WDR17: variants seen among roughly 807,000 people sequenced by gnomAD.
WDR17 encodes the protein WD repeat-containing protein 17.
In WDR17, 143 loss-of-function variants were observed where a neutral mutation model predicts 161.7. The observed-to-expected ratio is 0.88, with a 90% confidence interval of 0.77 to 1.02. The LOEUF (loss-of-function observed/expected upper bound fraction) is 1.02. Ranked by LOEUF, WDR17 falls within the 50% of genes least tolerant of loss-of-function variation. WDR17 has a pLI of 0.00. For synonymous variants in WDR17, 517 were observed against 515.6 expected (o/e 1.00, Z -0.04); for missense variants, 1,469 against 1,520.9 (o/e 0.97, Z 0.57).
chr4:176,158,959 A>G (rs1748576650), intron 18 of WDR17, among the ~76,000 whole-genome samples: 1 of 152,198 alleles, frequency 6.6e-6, no homozygotes, highest in Non-Finnish European at 1.5e-5. Context: ...AAACAGCTAT[A>G]ACAAGAAAAT....
intron 22 of WDR17, among the ~76,000 whole-genome samples, chr4:176,167,922 G>A (rs973818655): frequency 6.6e-6 from 1 of 151,850 alleles, no homozygotes; most frequent in South Asian, 2.1e-4. Context: ...CAAGGTGGGT[G>A]GATCACTTGA....
In WDR17 at chr4:176,135,104, C is replaced by T. The variant is rs768291644; in HGVS notation, c.1099-4C>T. ...ATTATGACTTTTTTATGCCATATTC[C>T]TAGGGACATGTGGAAACTATCTTTG... On this transcript the variant is annotated splice_region_variant and splice_polypyrimidine_tract_variant and intron_variant, in intron 7 of 28. Transcript: ENST00000508596. 1.2e-6 allele frequency: 2 copies of T among 1,611,028 alleles called. No individual in the cohort carries two copies. The highest frequency in any genetic ancestry group is 1.1e-5 in the South Asian group (1 of 90,868).
intron 22 of WDR17, chr4:176,166,177 T>A: frequency 1.3e-6 from 1 of 745,822 alleles, no homozygotes; most frequent in South Asian, 2.1e-5. Flanking sequence ...AACACATTCC[T>A]TTAAAATGTA....
In WDR17 at chr4:176,125,144, T is replaced by G; in HGVS notation, c.579T>G (p.Leu193=). 2 of 1,614,186 alleles carry G rather than the reference T, an allele frequency of 1.2e-6. No homozygotes were observed. The highest frequency in any genetic ancestry group is 1.7e-6 in the Non-Finnish European group (2 of 1,180,010). The part of the protein sequence containing the change: ...NQKHVLRPES[L]EGTDEEDPVT... The stretch of plus-strand genomic sequence containing the variant: ...AACATGTTTTGAGACCAGAATCTCT[T>G]GAAGGGACAGATGAAGAGGATCCAG... The change falls in exon 5 of 29, where the codon CTT becomes CTG. Residue 193 remains leucine (L), a synonymous_variant. Coordinates refer to ENST00000508596, the MANE Select transcript of WDR17 (RefSeq NM_181265.4).
intron 1 of WDR17, among the ~76,000 whole-genome samples, chr4:176,103,385 A>G (rs1043331563): frequency 6.6e-6 from 1 of 152,162 alleles, no homozygotes; most frequent in East Asian, 1.9e-4. Flanking sequence ...TCCAGGGTTC[A>G]ACAAAAAGCC....
rs1482366250 is a variant in WDR17, at chr4:176,173,383, C to T, written c.3347+14C>T. 6.5e-7 allele frequency: 1 copy of T among 1,535,152 alleles called. No individual in the cohort carries two copies. Among genetic ancestry groups the T allele is most frequent in the African/African-American group, 1.4e-5 (1 of 72,926 alleles). On this transcript the variant is annotated intron_variant, in intron 25 of 28. Transcript: ENST00000508596. ...TACGTGTACTGAGTGAGTATTTTTT[C>T]TGCAAAATATATAAGTGAATCTATT...
intron 23 of WDR17, among the ~76,000 whole-genome samples, chr4:176,169,574 AGATAT>A (rs1038350500): frequency 1.3e-5 from 2 of 152,204 alleles, no homozygotes; most frequent in Admixed American, 1.3e-4. Context: ...GAAAATGATA[AGATAT>A]AAGTACAATA....
chr4:176,145,821 T>A (rs1456512379), intron 11 of WDR17, among the ~76,000 whole-genome samples, 174 bp from the exon 12 acceptor site: 1 of 152,240 alleles, frequency 6.6e-6, no homozygotes, highest in Non-Finnish European at 1.5e-5. Context: ...GTGCAGTTTC[T>A]GTAAATGAGC....
At position 176,125,339 on chromosome 4, in the gene WDR17, G is replaced by A. The variant is rs185709623; in HGVS notation, c.774G>A (p.Gly258=). Residue 258 remains glycine (G), a synonymous_variant, in exon 5 of 29, where the codon GGG becomes GGA. Transcript: ENST00000508596. Reference sequence around the variant, plus strand: ...TAGCCTGGGTTCCCAGTGCTCCTGGGATGTTTATAACTGGAGGTAAGCTAA... The same window carrying A: ...TAGCCTGGGTTCCCAGTGCTCCTGGAATGTTTATAACTGGAGGTAAGCTAA... The part of the protein sequence containing the change: ...QCLAWVPSAP[G]MFITGDSQVG... 3.1e-6 allele frequency: 5 copies of A among 1,614,066 alleles called. No individual in the cohort carries two copies. The highest frequency in any genetic ancestry group is 1.6e-4 in the Middle Eastern group (1 of 6,062).
At chr4:176,131,259 C>A (rs930731564) in intron 6 of WDR17, among the ~76,000 whole-genome samples, 4 of 152,064 alleles carry the variant, frequency 2.6e-5, no homozygotes, top group African/African-American at 9.7e-5. Flanking sequence ...CAGAAATAAT[C>A]ATGCTGAGCT....
chr4:176,120,155 G>A (rs527633808), intron 4 of WDR17, 58 bp downstream of exon 4: 4 of 1,370,658 alleles, frequency 2.9e-6, no homozygotes, highest in South Asian at 1.4e-5. Context: ...ATATAATTTT[G>A]TACTTGCTTG....
chr4:176,182,694 CT>C lies in WDR17; in HGVS notation c.*3118del, dbSNP rs1185434862. On this transcript the variant is annotated 3_prime_UTR_variant, in exon 29 of 29. Coordinates refer to ENST00000508596, the MANE Select transcript of WDR17 (RefSeq NM_181265.4). This position sits in a 1 kb window ranked among gnomAD's most constrained non-coding sequence, Gnocchi z 4.2. ...TATTTGTACATAAATGAAATATGTACTTTCATGCTAAAATTATATATCATGA... is the reference window on the plus strand; with the variant it reads ...TATTTGTACATAAATGAAATATGTACTTCATGCTAAAATTATATATCATGA... 6.6e-6 allele frequency: 1 copy of C among 152,012 alleles called. No homozygotes were observed. Among genetic ancestry groups the C allele is most frequent in the African/African-American group, 2.4e-5 (1 of 41,392 alleles). The allele number at this position is 152,012 out of a possible 1,614,324, so 9.4% of individuals were successfully genotyped here.
chr4:176,140,053 A>G (rs989995616), intron 10 of WDR17, 79 bp downstream of exon 10: 3 of 1,227,828 alleles, frequency 2.4e-6, no homozygotes, highest in African/African-American at 3.1e-5. Context: ...CTGTGTATCC[A>G]TGAGATTTCA....
At chr4:176,123,702 G>A (rs1741969524) in intron 4 of WDR17, among the ~76,000 whole-genome samples, 1 of 152,202 alleles carries the variant, frequency 6.6e-6, no homozygotes, top group Admixed American at 6.5e-5. Flanking sequence ...GAGCCTCCGT[G>A]TGCTCAGCTC....
At position 176,179,498 on chromosome 4, in the gene WDR17, C is replaced by G; in HGVS notation, c.3771C>G (p.Ile1257Met). The change falls in exon 29 of 29, where the codon ATC becomes ATG. Residue 1257 changes from isoleucine (I) to methionine (M), a missense_variant. Coordinates refer to ENST00000508596, the MANE Select transcript of WDR17 (RefSeq NM_181265.4). ...TCCTTGAAGACGGGAAATCTGCTAT[C>G]TCCTTGAATGATGCTTTGATGTGGG... ...VFFLEDGKSA[I>M]SLNDALMWAK... 6.2e-7 allele frequency: 1 copy of G among 1,605,762 alleles called. No individual in the cohort carries two copies. The highest frequency in any genetic ancestry group is 8.5e-7 in the Non-Finnish European group (1 of 1,175,398).
At position 176,113,734 on chromosome 4, in the gene WDR17, C is replaced by T. The variant is rs552997062; in HGVS notation, c.123+2031C>T. ...ATATTTATTAAATAACACTTAGTGCCAATGTGTAGTCAAAGTCTGATAATC... is the reference window on the plus strand; with the variant it reads ...ATATTTATTAAATAACACTTAGTGCTAATGTGTAGTCAAAGTCTGATAATC... On this transcript the variant is annotated intron_variant, in intron 2 of 28. Coordinates refer to ENST00000508596, the MANE Select transcript of WDR17 (RefSeq NM_181265.4). 9.2e-5 allele frequency among the ~76,000 whole-genome samples: 14 copies of T among 151,936 alleles called. No homozygotes were observed. In the South Asian group the frequency reaches 2.9e-3, roughly 32 times the overall value.
chr4:176,112,152 T>C (rs1739871686), intron 2 of WDR17, among the ~76,000 whole-genome samples: 1 of 152,166 alleles, frequency 6.6e-6, no homozygotes. Context: ...AGTCCAGTGA[T>C]TCTCTTAAAT....
intron 27 of WDR17, 47 bp from the exon 28 acceptor site, chr4:176,177,423 AT>A: frequency 6.8e-7 from 1 of 1,463,464 alleles, no homozygotes; most frequent in East Asian, 2.3e-5. Flanking sequence ...AACATCAAAA[AT>A]TCTGTGATTC....
chr4:176,108,985 T>A (rs1412101427), intron 1 of WDR17, among the ~76,000 whole-genome samples: 1 of 152,092 alleles, frequency 6.6e-6, no homozygotes, highest in African/African-American at 2.4e-5. Context: ...AGATAGGGTC[T>A]CCCTACGTTG....
Sources: allele counts gnomAD v4.1 joint callset (sites outside exome capture counted in the v4.1 genomes callset), GRCh38; gene constraint gnomAD v4.1.1; non-coding constraint Gnocchi (gnomAD v3.1); transcripts MANE v1.5; gene names NCBI Gene and HGNC (gene_info 2026-07-23, HGNC 2026-07-21).